EPB41L5: variants seen among roughly 807,000 people sequenced by gnomAD.
The protein encoded by EPB41L5 is erythrocyte membrane protein band 4.1 like 5, also known as band 4.1-like protein 5.
In EPB41L5, 55 loss-of-function variants were observed where a neutral mutation model predicts 106.6. That is an observed-to-expected ratio of 0.52 (90% CI 0.42 to 0.65). EPB41L5 has a LOEUF of 0.65. Among genes scored for constraint, EPB41L5 ranks in the 30% least tolerant of loss-of-function variants. EPB41L5 has a pLI of 0.00. For synonymous variants in EPB41L5, 297 were observed against 306.7 expected (o/e 0.97, Z 0.33); for missense variants, 871 against 882.1 (o/e 0.99, Z 0.16).
intron 16 of EPB41L5, among the ~76,000 whole-genome samples, chr2:120,114,788 A>G (rs1369910753): frequency 6.6e-6 from 1 of 152,174 alleles, no homozygotes; most frequent in Non-Finnish European, 1.5e-5. Flanking sequence ...CATTCTGTGT[A>G]TGCCTGTTCA....
At chr2:120,096,416 A>G (rs1683759410) in intron 14 of EPB41L5, among the ~76,000 whole-genome samples, 1 of 152,210 alleles carries the variant, frequency 6.6e-6, no homozygotes, top group Admixed American at 6.5e-5. Context: ...TTATTAGGTA[A>G]AAAAACAACA....
intron 22 of EPB41L5, among the ~76,000 whole-genome samples, chr2:120,165,967 C>CAAAAAAAAAA (rs536664071): frequency 1.4e-4 from 4 of 27,998 alleles, no homozygotes; most frequent in Non-Finnish European, 2.8e-4. Context: ...GACTCCGTCT[C>CAAAAAAAAAA]AAAAAAAAAA....
intron 7 of EPB41L5, among the ~76,000 whole-genome samples, chr2:120,076,470 CT>C (rs35333671): frequency 0.23 from 13,568 of 58,624 alleles, 1,708 homozygotes; most frequent in African/African-American, 0.4. Context: ...AATTTTTGTA[CT>C]TTTTTTTTTT....
rs543246911 is a variant in EPB41L5, at chr2:120,164,872, C to G, written c.1924C>G (p.Leu642Val). Residue 642 changes from leucine to valine, a missense_variant, in exon 22 of 25, where the codon CTA (leucine) becomes GTA (valine). Physicochemically the swap from Leu to Val is conservative, Grantham distance 32. Transcript: ENST00000263713. Reference protein sequence around the residue: ...TDELDALLASLTENLIDHTVA... With the variant: ...TDELDALLASVTENLIDHTVA... Reference sequence around the variant, plus strand: ...TGAATTGGATGCCTTGCTTGCATCTCTAACTGAGAATCTAATTGATCACAC... The same window carrying G: ...TGAATTGGATGCCTTGCTTGCATCTGTAACTGAGAATCTAATTGATCACAC... The G allele has an allele frequency of 6.2e-7, 1 of 1,612,322 alleles. No individual in the cohort carries two copies. Among genetic ancestry groups the G allele is most frequent in the East Asian group, 2.2e-5 (1 of 44,686 alleles).
At chr2:120,109,769 A>G (rs1357079571) in intron 16 of EPB41L5, among the ~76,000 whole-genome samples, 2 of 152,100 alleles carry the variant, frequency 1.3e-5, no homozygotes, top group African/African-American at 4.8e-5. Context: ...TTTTTGTTTC[A>G]CAGGTAGCAA....
At position 120,078,515 on chromosome 2, in the gene EPB41L5, G is replaced by C; in HGVS notation, c.737G>C (p.Ser246Thr). The change falls in exon 10 of 25, where the codon AGT becomes ACT. Residue 246 changes from serine to threonine, a missense_variant. Ser to Thr is a moderately conservative substitution (Grantham distance 58). Transcript: ENST00000263713. ...TAGGCTAGAGATGGGAATGACTATA[G>C]TTTGGGACTAACACCAACAGGAGTC... is the stretch of plus-strand genomic sequence containing the variant. Reference protein sequence around the residue: ...VVKARDGNDYSLGLTPTGVLV... With the variant: ...VVKARDGNDYTLGLTPTGVLV... 1.2e-6 allele frequency: 2 copies of C among 1,609,154 alleles called. No homozygotes were observed. Among genetic ancestry groups the C allele is most frequent in the Admixed American group, 1.7e-5 (1 of 59,300 alleles).
chr2:120,075,783 C>T (rs764102791), intron 7 of EPB41L5, 30 bp downstream of exon 7: 57 of 1,546,436 alleles, frequency 3.7e-5, no homozygotes, highest in Non-Finnish European at 4.9e-5. Flanking sequence ...ACTGTTAAGA[C>T]TCAAGTATAA....
chr2:120,111,383 T>G (rs536663141), intron 16 of EPB41L5, among the ~76,000 whole-genome samples: 34 of 152,358 alleles, frequency 2.2e-4, no homozygotes, highest in African/African-American at 7.7e-4. Flanking sequence ...GTGGCAGTTC[T>G]CTTTTTCGTG....
At chr2:120,028,777 A>G (rs949405241) in intron 2 of EPB41L5, among the ~76,000 whole-genome samples, 3 of 152,114 alleles carry the variant, frequency 2.0e-5, no homozygotes, top group Admixed American at 1.3e-4. Context: ...GATGAGTAAA[A>G]TACAGTTCTA....
At chr2:120,068,602 T>A (rs562182042) in intron 3 of EPB41L5, among the ~76,000 whole-genome samples, 1 of 152,334 alleles carries the variant, frequency 6.6e-6, no homozygotes, top group African/African-American at 2.4e-5. Flanking sequence ...AAGTTCGGAC[T>A]GGGCAGAGCC....
At chr2:120,155,707 G>A (rs976280624) in intron 20 of EPB41L5, among the ~76,000 whole-genome samples, 8 of 151,422 alleles carry the variant, frequency 5.3e-5, no homozygotes, top group African/African-American at 1.9e-4. Context: ...TTCACCTCCT[G>A]ATACTGAATA....
intron 2 of EPB41L5, among the ~76,000 whole-genome samples, chr2:120,038,117 G>C (rs931528224): frequency 2.0e-5 from 3 of 152,114 alleles, no homozygotes; most frequent in African/African-American, 7.2e-5. Flanking sequence ...AAATGTTTGC[G>C]AACCAGATAT....
chr2:120,086,463 T>G (rs1558862241), intron 10 of EPB41L5, among the ~76,000 whole-genome samples: 1 of 152,188 alleles, frequency 6.6e-6, no homozygotes, highest in Non-Finnish European at 1.5e-5. Context: ...CCAAAATTCC[T>G]GTTGAAAACA....
intron 3 of EPB41L5, among the ~76,000 whole-genome samples, chr2:120,062,942 A>C (rs188209755): frequency 1.1e-3 from 163 of 152,242 alleles, no homozygotes; most frequent in African/African-American, 3.5e-3. Context: ...ATGAACTTTT[A>C]CTGGGTTCTA....
chr2:120,014,334 T>C (rs1439320276), intron 1 of EPB41L5, among the ~76,000 whole-genome samples: 1 of 152,120 alleles, frequency 6.6e-6, no homozygotes, highest in Admixed American at 6.6e-5. Flanking sequence ...GAAACTACTG[T>C]TTTTTGGAAG....
intron 1 of EPB41L5, among the ~76,000 whole-genome samples, chr2:120,016,287 G>A (rs1191114947): frequency 6.6e-6 from 1 of 152,052 alleles, no homozygotes; most frequent in Non-Finnish European, 1.5e-5. Flanking sequence ...AAAATTAGCT[G>A]GGCGTGGTGG....
At chr2:120,137,034 A>T (rs1685952664) in intron 18 of EPB41L5, among the ~76,000 whole-genome samples, 1 of 152,136 alleles carries the variant, frequency 6.6e-6, no homozygotes. Flanking sequence ...TTCTCTGACC[A>T]CATGGAATAA....
At chr2:120,086,277 A>G (rs1558862079) in intron 10 of EPB41L5, among the ~76,000 whole-genome samples, 1 of 152,074 alleles carries the variant, frequency 6.6e-6, no homozygotes, top group Non-Finnish European at 1.5e-5. Context: ...CATCTATTTT[A>G]TATGTTATAT....
chr2:120,095,852 TAG>T (rs893899319), intron 14 of EPB41L5, among the ~76,000 whole-genome samples: 2 of 152,044 alleles, frequency 1.3e-5, no homozygotes, highest in African/African-American at 4.8e-5. Flanking sequence ...GGATTTTTAG[TAG>T]AGACAGGATT....
Sources: gnomAD v4.1 joint callset for allele counts (sites outside exome capture counted in the v4.1 genomes callset) on GRCh38, gnomAD v4.1.1 for gene constraint, MANE v1.5 for transcripts, NCBI Gene and HGNC (gene_info 2026-07-23, HGNC 2026-07-21) for gene names.